EMILIN2: variants seen among roughly 807,000 people sequenced by gnomAD.
EMILIN2 encodes EMILIN-2.
In EMILIN2, 71 loss-of-function variants were observed where a neutral mutation model predicts 87.1. The observed-to-expected ratio is 0.82, with a 90% CI of 0.67 to 0.99. EMILIN2 has a LOEUF of 0.99. Ranked by LOEUF, EMILIN2 falls within the 50% of genes least tolerant of loss-of-function variation. EMILIN2 has a pLI of 0.00. For synonymous variants in EMILIN2, 581 were observed against 563.4 expected, an observed-to-expected ratio of 1.03 and a Z score of -0.44; for missense variants, 1,407 against 1,371.8, an observed-to-expected ratio of 1.03 and a Z score of -0.40.
intron 2 of EMILIN2, among the ~76,000 whole-genome samples, chr18:2,879,006 C>A (rs578242556): frequency 7.2e-5 from 11 of 152,276 alleles, no homozygotes; most frequent in Admixed American, 3.9e-4. Context: ...AAACACAAGG[C>A]AAGGAGCCTT....
At chr18:2,866,372 A>G (rs7226794) in intron 2 of EMILIN2, among the ~76,000 whole-genome samples, 37,886 of 152,050 alleles carry the variant, frequency 0.25, 5,216 homozygotes, top group Admixed American at 0.35. Flanking sequence ...AGTGTTTTGT[A>G]GTTTTCCTTG....
rs533430508 is a variant in EMILIN2, at chr18:2,868,527, G to A, written c.258-16437G>A. On this transcript the variant is annotated intron_variant, in intron 2 of 7. Transcript: ENST00000254528. ...CACCATTGAGCACTGAGTGAACGAG[G>A]CTCCCTCTGCAATCCCGGCACCTCG... 3.7e-4 allele frequency among the ~76,000 whole-genome samples: 56 copies of A among 152,374 alleles called. No individual in the cohort carries two copies. The Middle Eastern group carries it at 0.01, about 28-fold the overall frequency.
chr18:2,877,743 A>AC (rs1382812453), intron 2 of EMILIN2, among the ~76,000 whole-genome samples: 2 of 149,740 alleles, frequency 1.3e-5, no homozygotes, highest in Non-Finnish European at 3.0e-5. Flanking sequence ...GCACCTCTGC[A>AC]CTCCTGCCTG....
At chr18:2,875,050 G>T (rs1291010638) in intron 2 of EMILIN2, among the ~76,000 whole-genome samples, 1 of 152,224 alleles carries the variant, frequency 6.6e-6, no homozygotes, top group Non-Finnish European at 1.5e-5. Context: ...GCTGGAGGAT[G>T]TGGCACCTGG....
In EMILIN2 at chr18:2,894,382, C is replaced by T. The variant is rs1445637431; in HGVS notation, c.2359+1896C>T. On this transcript the variant is annotated intron_variant, in intron 4 of 7. Coordinates refer to ENST00000254528, the MANE Select transcript of EMILIN2 (RefSeq NM_032048.3). The surrounding 1 kb of genome is among the most constrained non-coding windows in gnomAD (Gnocchi z 5.0). ...CCCGAGTGTCCAGCCCACTGCACCTCACTATTTATAACCCAGCCCTTCCCC... is the reference window on the plus strand; with the variant it reads ...CCCGAGTGTCCAGCCCACTGCACCTTACTATTTATAACCCAGCCCTTCCCC... Among the ~76,000 whole-genome samples the T allele has an allele frequency of 6.6e-6, 1 of 152,232 alleles. No individual in the cohort carries two copies. The highest frequency in any genetic ancestry group is 1.5e-5 in the Non-Finnish European group (1 of 68,042).
intron 2 of EMILIN2, among the ~76,000 whole-genome samples, chr18:2,857,942 A>T (rs886892056): frequency 6.6e-6 from 1 of 152,068 alleles, no homozygotes; most frequent in African/African-American, 2.4e-5. Flanking sequence ...GCCACTCTCG[A>T]GATTTGCGAG....
At chr18:2,900,527 C>T (rs1036603171) in intron 4 of EMILIN2, among the ~76,000 whole-genome samples, 1 of 152,186 alleles carries the variant, frequency 6.6e-6, no homozygotes, top group Non-Finnish European at 1.5e-5. Context: ...TGGAGTAGAA[C>T]TATTCCAGGG....
At position 2,847,977 on chromosome 18, in the gene EMILIN2, G is replaced by GT. The variant is rs1293680967; in HGVS notation, c.257+46_257+47insT. Reference sequence around the variant, plus strand: ...GCGGGCGGGGCGCGCCCGGGCCGGGGCGGTGGGGGTGGGGTGGGGTTGCTG... The same window carrying GT: ...GCGGGCGGGGCGCGCCCGGGCCGGGGTCGGTGGGGGTGGGGTGGGGTTGCTG... On this transcript the variant is annotated intron_variant, in intron 2 of 7. Transcript: ENST00000254528. This position sits in a 1 kb window ranked among gnomAD's most constrained non-coding sequence, Gnocchi z 4.5. The GT allele has an allele frequency of 2.0e-6, 3 of 1,536,934 alleles. No individual in the cohort carries two copies. Among genetic ancestry groups the GT allele is most frequent in the Non-Finnish European group, 2.6e-6 (3 of 1,144,442 alleles).
chr18:2,869,399 C>T (rs1216382731), intron 2 of EMILIN2, among the ~76,000 whole-genome samples: 2 of 152,184 alleles, frequency 1.3e-5, no homozygotes, highest in Non-Finnish European at 1.5e-5. Flanking sequence ...CAACATATCC[C>T]TTGCTAATCT....
At chr18:2,878,549 G>C (rs1483967428) in intron 2 of EMILIN2, among the ~76,000 whole-genome samples, 1 of 152,072 alleles carries the variant, frequency 6.6e-6, no homozygotes, top group Non-Finnish European at 1.5e-5. Flanking sequence ...ACCAAAACTT[G>C]AAAAGAATGA....
intron 2 of EMILIN2, among the ~76,000 whole-genome samples, chr18:2,876,618 T>G (rs2076749518): frequency 7.6e-6 from 1 of 130,890 alleles, no homozygotes; most frequent in African/African-American, 2.8e-5. Flanking sequence ...TACAAAAAAT[T>G]AGCCGGGTGT....
At chr18:2,870,425 C>G (rs2076713781) in intron 2 of EMILIN2, among the ~76,000 whole-genome samples, 1 of 152,116 alleles carries the variant, frequency 6.6e-6, no homozygotes, top group Non-Finnish European at 1.5e-5. Context: ...TATTTTTGTT[C>G]AAAGCCTACA....
intron 2 of EMILIN2, among the ~76,000 whole-genome samples, chr18:2,852,820 G>A (rs200111009): frequency 2.0e-5 from 3 of 152,108 alleles, no homozygotes; most frequent in African/African-American, 4.8e-5. Context: ...CACCTGGCCC[G>A]CAATAATAAT....
At chr18:2,898,634 A>T (rs1013027712) in intron 4 of EMILIN2, among the ~76,000 whole-genome samples, 7 of 152,216 alleles carry the variant, frequency 4.6e-5, no homozygotes, top group African/African-American at 1.4e-4. Flanking sequence ...GTCTCTGAGT[A>T]ATTTTCATCA....
chr18:2,862,033 TTGTC>T (rs1046467461), intron 2 of EMILIN2, among the ~76,000 whole-genome samples: 11 of 152,332 alleles, frequency 7.2e-5, no homozygotes, highest in Non-Finnish European at 1.5e-4. Flanking sequence ...GGCTCTCTGT[TTGTC>T]TGTTATTGGT....
intron 2 of EMILIN2, among the ~76,000 whole-genome samples, chr18:2,877,432 GAC>G (rs2076754437): frequency 9.5e-6 from 1 of 104,752 alleles, no homozygotes; most frequent in African/African-American, 3.7e-5. Flanking sequence ...TTCATTGACT[GAC>G]AGTTTTTTTT....
At chr18:2,851,088 TG>T (rs2076599078) in intron 2 of EMILIN2, among the ~76,000 whole-genome samples, 1 of 136,418 alleles carries the variant, frequency 7.3e-6, no homozygotes, top group East Asian at 2.0e-4. Flanking sequence ...AAGGCTCTGA[TG>T]GAAAAAAAAA....
rs1253769392 is a variant in EMILIN2 at position 2,892,433 on chromosome 18, T to C, written c.2306T>C (p.Val769Ala). The change falls in exon 4 of 8, where the codon GTC (valine) becomes GCC (alanine). Residue 769 changes from valine (V) to alanine (A), a missense_variant. Coordinates refer to ENST00000254528, the MANE Select transcript of EMILIN2 (RefSeq NM_032048.3). ...KNSVQQFYSH[V>A]FQISTDLQDL... ...TCAGTCCAGCAGTTCTACAGCCACG[T>C]CTTCCAGATTTCTACTGATTTGCAA... is the stretch of plus-strand genomic sequence containing the variant. The C allele has an allele frequency of 6.2e-7, 1 of 1,612,250 alleles. No individual in the cohort carries two copies. Among genetic ancestry groups the C allele is most frequent in the East Asian group, 2.2e-5 (1 of 44,836 alleles).
At chr18:2,902,940 G>T (rs2076894561) in intron 4 of EMILIN2, among the ~76,000 whole-genome samples, 1 of 152,142 alleles carries the variant, frequency 6.6e-6, no homozygotes, top group South Asian at 2.1e-4. Flanking sequence ...TGACGGGTTG[G>T]TGAGGACAGG....
Sources: allele counts gnomAD v4.1 joint callset (sites outside exome capture counted in the v4.1 genomes callset), GRCh38; gene constraint gnomAD v4.1.1; non-coding constraint Gnocchi (gnomAD v3.1); transcripts MANE v1.5; gene names NCBI Gene and HGNC (gene_info 2026-07-23, HGNC 2026-07-21).